Variants in DMD observed in about 807,000 individuals in gnomAD.
The protein encoded by DMD is dystrophin, also known as mutant dystrophin.
In DMD, 63 loss-of-function variants were observed where a neutral mutation model predicts 330.1. The ratio of observed to expected loss-of-function variants is 0.19; its 90% CI spans 0.16 to 0.24. DMD has a LOEUF of 0.24. Ranked by LOEUF, DMD falls within the 10% of genes least tolerant of loss-of-function variation. The probability of loss-of-function intolerance (pLI) is 1.00; values close to 1 mark genes in which losing one functional copy is unlikely to be tolerated. For synonymous variants in DMD, 1,223 were observed against 959.8 expected (o/e 1.27, Z -5.07); for missense variants, 3,344 against 2,684.1 (o/e 1.25, Z -5.43).
intron 37 of DMD, among the ~76,000 whole-genome samples, chrX:32,359,143 A>G (rs1233030054): frequency 9.0e-6 from 1 of 111,654 alleles, no homozygotes; most frequent in African/African-American, 3.3e-5. Context: ...AATTAACATT[A>G]CAGAGAGCTG....
At chrX:32,949,284 AC>A in intron 2 of DMD, among the ~76,000 whole-genome samples, 1 of 98,367 alleles carries the variant, frequency 1.0e-5, no homozygotes, top group African/African-American at 4.1e-5. Context: ...ACACACACAC[AC>A]ACACACGCAC....
intron 54 of DMD, among the ~76,000 whole-genome samples, chrX:31,653,355 G>A (rs866459373): frequency 1.8e-5 from 2 of 111,575 alleles, no homozygotes; most frequent in African/African-American, 3.3e-5. Flanking sequence ...GCATATACAC[G>A]TATATGTATA....
At chrX:32,231,236 A>T (rs2097168173) in intron 43 of DMD, among the ~76,000 whole-genome samples, 1 of 112,765 alleles carries the variant, frequency 8.9e-6, no homozygotes, top group East Asian at 2.8e-4. Context: ...GGAAAATGAG[A>T]TGAAAAAGCC....
intron 16 of DMD, among the ~76,000 whole-genome samples, chrX:32,556,069 C>T (rs747514270): frequency 2.4e-4 from 27 of 111,759 alleles, no homozygotes; most frequent in Non-Finnish European, 4.5e-4. Context: ...GCCATCTATC[C>T]ATCTGACAAT....
chrX:32,205,300 G>A (rs1603628256), intron 44 of DMD, among the ~76,000 whole-genome samples: 1 of 105,338 alleles, frequency 9.5e-6, no homozygotes, highest in Non-Finnish European at 1.9e-5. Flanking sequence ...CATCCAACAC[G>A]CTTACCAAGA....
intron 1 of DMD, among the ~76,000 whole-genome samples, chrX:33,297,254 CT>C (rs769212684): frequency 1.9e-4 from 21 of 109,368 alleles, no homozygotes; most frequent in East Asian, 8.6e-4. Context: ...AGTAGACAGA[CT>C]TTTTTTTTGA....
intron 60 of DMD, among the ~76,000 whole-genome samples, chrX:31,352,835 C>T (rs929464907): frequency 1.8e-5 from 2 of 111,938 alleles, no homozygotes; most frequent in Non-Finnish European, 3.8e-5. Context: ...AAAGCTTTAG[C>T]TTGGGACTTA....
At chrX:31,472,257 C>T (rs2067354207) in intron 59 of DMD, among the ~76,000 whole-genome samples, 2 of 112,082 alleles carry the variant, frequency 1.8e-5, no homozygotes, top group African/African-American at 3.2e-5. Context: ...TTTTTAGGAT[C>T]GCCCTGTTCA....
chrX:31,626,609 C>G (rs2078861718), intron 55 of DMD, among the ~76,000 whole-genome samples: 1 of 111,007 alleles, frequency 9.0e-6, no homozygotes, highest in Non-Finnish European at 1.9e-5. Flanking sequence ...AGGAGCCATA[C>G]ATTGCCACTG....
chrX:31,849,034 C>G (rs2093474800), intron 48 of DMD, among the ~76,000 whole-genome samples: 2 of 110,457 alleles, frequency 1.8e-5, no homozygotes, highest in Non-Finnish European at 3.8e-5. Context: ...ATTTGGTGTT[C>G]TTAGAAATAG....
chrX:32,333,268 G>T (rs2097689813), intron 41 of DMD, among the ~76,000 whole-genome samples: 1 of 111,373 alleles, frequency 9.0e-6, no homozygotes, highest in Admixed American at 9.6e-5. Flanking sequence ...CAATCTTGAC[G>T]TCCTCTAAAG....
chrX:31,261,157 T>C, intron 62 of DMD, 141 bp from the exon 63 acceptor site: 1 of 498,917 alleles, frequency 2.0e-6, no homozygotes, highest in Non-Finnish European at 3.4e-6. Context: ...GCTTCCATAG[T>C]GTATTGAAGA....
intron 55 of DMD, among the ~76,000 whole-genome samples, chrX:31,511,699 T>G (rs12398572): frequency 0.095 from 10,306 of 107,964 alleles, 441 homozygotes; most frequent in Middle Eastern, 0.13. Flanking sequence ...TTCCATGGTG[T>G]ATATGTGCCA....
chrX:32,910,723 G>A (rs1202415589), intron 2 of DMD, among the ~76,000 whole-genome samples: 1 of 112,009 alleles, frequency 8.9e-6, no homozygotes, highest in Admixed American at 9.5e-5. Flanking sequence ...TTACAGGAGT[G>A]AGCCACCGCG....
At chrX:32,648,141 T>G (rs1054045183) in intron 9 of DMD, among the ~76,000 whole-genome samples, 2 of 111,987 alleles carry the variant, frequency 1.8e-5, no homozygotes, top group African/African-American at 6.5e-5. Flanking sequence ...TATTAAAAGG[T>G]GTATACTTAT....
At chrX:31,683,023 T>C (rs983589886) in intron 52 of DMD, among the ~76,000 whole-genome samples, 1 of 112,202 alleles carries the variant, frequency 8.9e-6, no homozygotes, top group African/African-American at 3.2e-5. Flanking sequence ...TGCTCAATAA[T>C]AGAAGGCTTT....
intron 1 of DMD, among the ~76,000 whole-genome samples, chrX:33,064,091 T>C (rs1410354060): frequency 9.0e-6 from 1 of 111,416 alleles, no homozygotes. Context: ...TATATACATA[T>C]ATATGCACAT....
intron 7 of DMD, among the ~76,000 whole-genome samples, chrX:32,768,294 A>C (rs1292349001): frequency 2.7e-5 from 3 of 112,030 alleles, no homozygotes; most frequent in African/African-American, 9.7e-5. Context: ...GAATAGAGCT[A>C]TTCATCCCTG....
intron 59 of DMD, among the ~76,000 whole-genome samples, chrX:31,463,719 T>C (rs1252936092): frequency 1.8e-5 from 2 of 111,784 alleles, no homozygotes; most frequent in Non-Finnish European, 3.8e-5. Flanking sequence ...TTTAGCACTG[T>C]TTCTAGTTAA....
Sources: gnomAD v4.1 joint callset for allele counts (sites outside exome capture counted in the v4.1 genomes callset) on GRCh38, gnomAD v4.1.1 for gene constraint, MANE v1.5 for transcripts, NCBI Gene and HGNC (gene_info 2026-07-23, HGNC 2026-07-21) for gene names.